Variants in GLTPD2 observed in about 807,000 individuals in gnomAD.
The protein encoded by GLTPD2 is glycolipid transfer protein domain-containing protein 2.
Under a neutral mutation model 12.9 loss-of-function variants are expected in GLTPD2, and 12 were observed. The ratio of observed to expected loss-of-function variants is 0.93; its 90% confidence interval spans 0.59 to 1.50. The LOEUF (loss-of-function observed/expected upper bound fraction) is 1.50. GLTPD2 is among the 40% of genes most tolerant of loss of function. The pLI, the probability that GLTPD2 is intolerant of heterozygous loss-of-function variation, is 0.00. For missense variants in GLTPD2, 450 were observed against 426.2 expected (o/e 1.06, Z -0.49); for synonymous variants, 199 against 205.6 (o/e 0.97, Z 0.27).
Position 4,789,926 on chromosome 17 carries a change from C to G in GLTPD2, c.506C>G (p.Ala169Gly). Residue 169 changes from alanine (A) to glycine (G), a missense_variant, in exon 4 of 4, where the codon GCG becomes GGG. Physicochemically the swap from Ala to Gly is moderately conservative, Grantham distance 60. Coordinates refer to ENST00000331264, the MANE Select transcript of GLTPD2 (RefSeq NM_001014985.3). ...GCGGGACTGCTGGAGCAGCCGGGGG[C>G]GGCCCCCCGGGACCCGACCCGGAGC... ...RRAGLLEQPG[A>G]APRDPTRSSG... 1 of 1,542,138 alleles carries G rather than the reference C, an allele frequency of 6.5e-7. No individual in the cohort carries two copies. Among genetic ancestry groups the G allele is most frequent in the Non-Finnish European group, 8.7e-7 (1 of 1,145,020 alleles).
rs1917633823 is a variant in GLTPD2, at chr17:4,790,178, C to G, written c.758C>G (p.Pro253Arg). The G allele has an allele frequency of 6.8e-7, 1 of 1,476,814 alleles. No homozygotes were observed. Among genetic ancestry groups the G allele is most frequent in the Admixed American group, 2.4e-5 (1 of 41,140 alleles). 91.5% of individuals were successfully genotyped at this position (1,476,814 alleles called of 1,614,324 possible). The change falls in exon 4 of 4, where the codon CCC becomes CGC. Residue 253 changes from proline (P) to arginine (R), a missense_variant. Transcript: ENST00000331264. The part of the protein sequence containing the change: ...GRRRLLELAC[P>R]GATEAEARAA... ...CGCCGCCTGCTGGAGCTGGCGTGTC[C>G]CGGAGCCACCGAGGCGGAGGCGCGG...
rs1489170781 is a variant in GLTPD2 at position 4,789,791 on chromosome 17, T to C, written c.371T>C (p.Phe124Ser). The change falls in exon 4 of 4, where the codon TTC becomes TCC. Residue 124 changes from phenylalanine to serine, a missense_variant. By Grantham distance (155) the Phe-to-Ser change is radical (BLOSUM62 -2). Coordinates refer to ENST00000331264, the MANE Select transcript of GLTPD2 (RefSeq NM_001014985.3). The part of the protein sequence containing the change: ...FLTPLGSVFA[F>S]ATREAFTKVT... Reference sequence around the variant, plus strand: ...ACTCCCCTCGGCTCCGTCTTCGCCTTCGCCACTAGGGAGGCCTTCACCAAG... The same window carrying C: ...ACTCCCCTCGGCTCCGTCTTCGCCTCCGCCACTAGGGAGGCCTTCACCAAG... 3.1e-6 allele frequency: 5 copies of C among 1,612,844 alleles called. No individual in the cohort carries two copies. The highest frequency in any genetic ancestry group is 8.5e-7 in the Non-Finnish European group (1 of 1,179,556).
Position 4,789,038 on chromosome 17 carries a change from C to T in GLTPD2, c.27C>T (p.Ala9=), listed in dbSNP as rs200437194. Residue 9 remains alanine (A), a synonymous_variant, in exon 1 of 4, where the codon GCC becomes GCT. Transcript: ENST00000331264. ...TGGGAGTGGCGGCGCGGCCCCCAGC[C>T]CTGCGGCACTGGTTCAGCCACTCAA... MGVAARPP[A]LRHWFSHSIP... 2.2e-5 allele frequency: 36 copies of T among 1,613,386 alleles called. No homozygotes were observed. In the East Asian group the frequency reaches 8.0e-4, roughly 36 times the overall value.
At chr17:4,789,450 C>G in intron 2 of GLTPD2, 61 bp from the exon 3 acceptor site, 3 of 1,570,016 alleles carry the variant, frequency 1.9e-6, no homozygotes, top group East Asian at 2.3e-5. Context: ...GCTAAACCTT[C>G]GGAACAATTT....
At chr17:4,789,720 C>A in intron 3 of GLTPD2, 39 bp from the exon 4 acceptor site, 2 of 1,612,348 alleles carry the variant, frequency 1.2e-6, no homozygotes, top group Non-Finnish European at 8.5e-7. Context: ...GCCTCCTTGG[C>A]GGCTCCATCT....
intron 2 of GLTPD2, 101 bp downstream of exon 2, chr17:4,789,391 G>T: frequency 2.0e-6 from 3 of 1,511,930 alleles, no homozygotes; most frequent in South Asian, 2.5e-5. Flanking sequence ...GTCCTCCCCC[G>T]GTCTACCCTC....
In GLTPD2 at chr17:4,789,538, GC is replaced by G; in HGVS notation, c.203del (p.Pro68ArgfsTer18). The G allele has an allele frequency of 6.2e-7, 1 of 1,613,980 alleles. No homozygotes were observed. The highest frequency in any genetic ancestry group is 8.5e-7 in the Non-Finnish European group (1 of 1,179,900). On this transcript the variant is annotated frameshift_variant, in exon 3 of 4. Coordinates refer to ENST00000331264, the MANE Select transcript of GLTPD2 (RefSeq NM_001014985.3). LOFTEE classifies it high-confidence loss of function. ...QVRQESGTLEAPERKQPPCLG... is the reference protein window; with the variant it reads ...QVRQESGTLEXPERKQPPCLG... ...CCGGCAGGAGTCGGGAACCCTGGAGGCCCCGGAGAGGAAACAGCCTCCGTGT... is the reference window on the plus strand; with the variant it reads ...CCGGCAGGAGTCGGGAACCCTGGAGGCCCGGAGAGGAAACAGCCTCCGTGT...
Position 4,790,200 on chromosome 17 carries a change from G to T in GLTPD2, c.780G>T (p.Ala260=), listed in dbSNP as rs946721858. The change falls in exon 4 of 4, where the codon GCG becomes GCT. Residue 260 remains alanine (A), a synonymous_variant. Coordinates refer to ENST00000331264, the MANE Select transcript of GLTPD2 (RefSeq NM_001014985.3). ...LACPGATEAE[A]RAALVRAAGT... Reference sequence around the variant, plus strand: ...GTCCCGGAGCCACCGAGGCGGAGGCGCGGGCCGCGCTGGTCCGGGCCGCCG... The same window carrying T: ...GTCCCGGAGCCACCGAGGCGGAGGCTCGGGCCGCGCTGGTCCGGGCCGCCG... 1.4e-6 allele frequency: 2 copies of T among 1,479,976 alleles called. No homozygotes were observed. Among genetic ancestry groups the T allele is most frequent in the African/African-American group, 2.9e-5 (2 of 68,210 alleles). 91.7% of individuals were successfully genotyped at this position (1,479,976 alleles called of 1,614,324 possible).
rs758059224 is a variant in GLTPD2 at position 4,789,267 on chromosome 17, C to G, written c.148C>G (p.Pro50Ala). Residue 50 changes from proline (P) to alanine (A), a missense_variant, in exon 2 of 4, where the codon CCA (proline) becomes GCA (alanine). Pro to Ala is a conservative substitution (Grantham distance 27, BLOSUM62 -1). Coordinates refer to ENST00000331264, the MANE Select transcript of GLTPD2 (RefSeq NM_001014985.3). ...CGGACCCAGGGCGCAGCCCTGCGTT[C>G]CAGGGGAAACGGCGCCCTTCCAGGT... ...GCGPRAQPCV[P>A]GETAPFQVRQ... 2 of 1,593,124 alleles carry G rather than the reference C, an allele frequency of 1.3e-6. No homozygotes were observed. Among genetic ancestry groups the G allele is most frequent in the Non-Finnish European group, 1.7e-6 (2 of 1,169,422 alleles).
rs1168301541 is a variant in GLTPD2 at position 4,790,023 on chromosome 17, G to T, written c.603G>T (p.Ala201=). 3 of 1,448,114 alleles carry T rather than the reference G, an allele frequency of 2.1e-6. No homozygotes were observed. The highest frequency in any genetic ancestry group is 1.4e-5 in the South Asian group (1 of 71,468). 89.7% of individuals were successfully genotyped at this position (1,448,114 alleles called of 1,614,324 possible). ...CCCAGCTCTGCCTCCACCGGGTGGCGACCGGCGCGCTGGGAGGCCCGGACG... is the reference window on the plus strand; with the variant it reads ...CCCAGCTCTGCCTCCACCGGGTGGCTACCGGCGCGCTGGGAGGCCCGGACG... ...RWSQLCLHRV[A]TGALGGPDAG... is the part of the protein sequence containing the mutation. The change falls in exon 4 of 4, where the codon GCG becomes GCT. Residue 201 remains alanine (A), a synonymous_variant. Transcript: ENST00000331264.
intron 3 of GLTPD2, 30 bp downstream of exon 3, chr17:4,789,707 C>T (rs377493168): frequency 6.2e-7 from 1 of 1,612,280 alleles, no homozygotes; most frequent in Non-Finnish European, 8.5e-7. Flanking sequence ...CCAGCCGGTC[C>T]CCGCCTCCTT....
chr17:4,789,363 G>T (rs1917601455), intron 2 of GLTPD2, 73 bp downstream of exon 2: 10 of 1,523,614 alleles, frequency 6.6e-6, no homozygotes, highest in Non-Finnish European at 8.9e-6. Context: ...GCCAGGCTGA[G>T]GGTCCGGCAA....
intron 2 of GLTPD2, 97 bp from the exon 3 acceptor site, chr17:4,789,414 C>A: frequency 6.6e-7 from 1 of 1,517,908 alleles, no homozygotes; most frequent in Non-Finnish European, 9.0e-7. Context: ...CCGTCGGAAG[C>A]TGAGCGCACA....
intron 3 of GLTPD2, 36 bp downstream of exon 3, chr17:4,789,713 T>A: frequency 6.2e-7 from 1 of 1,612,558 alleles, no homozygotes; most frequent in South Asian, 1.1e-5. Context: ...GGTCCCCGCC[T>A]CCTTGGCGGC....
At position 4,790,338 on chromosome 17, in the gene GLTPD2, CG is replaced by C; in HGVS notation, c.*46del. 1.4e-6 allele frequency: 2 copies of C among 1,385,996 alleles called. No homozygotes were observed. Among genetic ancestry groups the C allele is most frequent in the Non-Finnish European group, 1.9e-6 (2 of 1,076,054 alleles). 85.9% of individuals were successfully genotyped at this position (1,385,996 alleles called of 1,614,324 possible). A position where few individuals can be genotyped will look rare whatever the true frequency, so the allele number is the denominator to read the frequency against. On this transcript the variant is annotated 3_prime_UTR_variant, in exon 4 of 4. Transcript: ENST00000331264. ...ACCGGCGGGAACGGAGCGGACCGCC[CG>C]GGGTGGGGCCGCGCAGCCCGGGGTC... is the stretch of plus-strand genomic sequence containing the variant.
At position 4,790,043 on chromosome 17, in the gene GLTPD2, C is replaced by T. The variant is rs750676883; in HGVS notation, c.623C>T (p.Pro208Leu). 7 of 1,433,380 alleles carry T rather than the reference C, an allele frequency of 4.9e-6. No individual in the cohort carries two copies. In the African/African-American group the frequency reaches 6.0e-5, roughly 12 times the overall value. The allele number at this position is 1,433,380 out of a possible 1,614,324, so 88.8% of individuals were successfully genotyped here. A position where few individuals can be genotyped will look rare whatever the true frequency, so the allele number is the denominator to read the frequency against. Reference sequence around the variant, plus strand: ...GTGGCGACCGGCGCGCTGGGAGGCCCGGACGCGGGCGTGCAGTGCAGCGAC... The same window carrying T: ...GTGGCGACCGGCGCGCTGGGAGGCCTGGACGCGGGCGTGCAGTGCAGCGAC... ...HRVATGALGG[P>L]DAGVQCSDAY... is the part of the protein sequence containing the mutation. The change falls in exon 4 of 4, where the codon CCG (proline) becomes CTG (leucine). Residue 208 changes from proline (P) to leucine (L), a missense_variant. Coordinates refer to ENST00000331264, the MANE Select transcript of GLTPD2 (RefSeq NM_001014985.3).
chr17:4,789,125 G>A lies in GLTPD2; in HGVS notation c.106+8G>A, dbSNP rs746695117. ...TCAGTGTTCGGAGCCTAGGTGAGCT[G>A]CCCCTTCCCTCACTTGCTCCGGGAG... On this transcript the variant is annotated splice_region_variant and intron_variant, in intron 1 of 3. Coordinates refer to ENST00000331264, the MANE Select transcript of GLTPD2 (RefSeq NM_001014985.3). The A allele has an allele frequency of 1.2e-6, 2 of 1,613,154 alleles. No homozygotes were observed. Among genetic ancestry groups the A allele is most frequent in the Admixed American group, 1.7e-5 (1 of 59,826 alleles).
Position 4,790,292 on chromosome 17 carries a change from C to A in GLTPD2, c.872C>A (p.Ala291Asp). The change falls in exon 4 of 4, where the codon GCC (alanine) becomes GAC (aspartate). Residue 291 changes from alanine (A) to aspartate (D), a missense_variant. By Grantham distance (126) the Ala-to-Asp change is moderately radical. Coordinates refer to ENST00000331264, the MANE Select transcript of GLTPD2 (RefSeq NM_001014985.3). ...LLAERGLLQL[A>D] ...GCCGAGCGCGGCCTGCTCCAGCTGG[C>A]CTAAGACGGCGGCTGCGGGGACCGG... 1 of 1,469,330 alleles carries A rather than the reference C, an allele frequency of 6.8e-7. No homozygotes were observed. The allele number at this position is 1,469,330 out of a possible 1,614,324, so 91.0% of individuals were successfully genotyped here.
Position 4,788,968 on chromosome 17 carries a change from A to G in GLTPD2, c.-44A>G. On this transcript the variant is annotated 5_prime_UTR_variant, in exon 1 of 4. Coordinates refer to ENST00000331264, the MANE Select transcript of GLTPD2 (RefSeq NM_001014985.3). ...CCCTCCTGGAGGCGGAGGGACACGGACTGGCTAGGCGCTGGTGAGGGGGCG... is the reference window on the plus strand; with the variant it reads ...CCCTCCTGGAGGCGGAGGGACACGGGCTGGCTAGGCGCTGGTGAGGGGGCG... The G allele has an allele frequency of 6.3e-7, 1 of 1,583,868 alleles. No individual in the cohort carries two copies. The highest frequency in any genetic ancestry group is 8.6e-7 in the Non-Finnish European group (1 of 1,169,036).
Sources: gnomAD v4.1 joint callset for allele counts on GRCh38, gnomAD v4.1.1 for gene constraint, MANE v1.5 for transcripts, NCBI Gene and HGNC (gene_info 2026-07-23, HGNC 2026-07-21) for gene names.